The following MAGI2 variants were observed in gnomAD, a reference collection of about 807,000 sequenced individuals.
MAGI2 encodes membrane associated guanylate kinase, WW and PDZ domain containing 2.
A neutral mutation model predicts 133.3 loss-of-function variants in MAGI2; 35 were observed. The ratio of observed to expected loss-of-function variants is 0.26; its 90% CI spans 0.20 to 0.35. MAGI2 has a LOEUF of 0.35. MAGI2 is among the 10% of genes least tolerant of loss of function. MAGI2 has a pLI of 1.00. For synonymous variants in MAGI2, 729 were observed against 710.6 expected, an observed-to-expected ratio of 1.03 and a Z score of -0.41; for missense variants, 1,636 against 1,863.4, an observed-to-expected ratio of 0.88 and a Z score of 2.25.
At chr7:78,209,384 C>T (rs1246933105) in intron 10 of MAGI2, among the ~76,000 whole-genome samples, 1 of 149,778 alleles carries the variant, frequency 6.7e-6, no homozygotes, top group African/African-American at 2.4e-5. Flanking sequence ...GTCTCAGCCT[C>T]CCGAGTAGCT....
At chr7:79,418,775 T>C (rs4730816) in intron 1 of MAGI2, among the ~76,000 whole-genome samples, 37,407 of 150,206 alleles carry the variant, frequency 0.25, 6,694 homozygotes, top group African/African-American at 0.51. Context: ...ATTAGACACT[T>C]ACCTCTAGGT....
intron 2 of MAGI2, among the ~76,000 whole-genome samples, chr7:78,773,250 G>A (rs2151323981): frequency 6.6e-6 from 1 of 152,064 alleles, no homozygotes; most frequent in Admixed American, 6.5e-5. Context: ...AATATGGACT[G>A]CATGTATTTT....
intron 10 of MAGI2, among the ~76,000 whole-genome samples, chr7:78,239,249 A>T (rs1417108596): frequency 1.3e-5 from 2 of 152,220 alleles, no homozygotes; most frequent in Non-Finnish European, 2.9e-5. Context: ...CACCATATAC[A>T]AATATCAACT....
At chr7:78,861,302 G>A (rs1584191544) in intron 2 of MAGI2, among the ~76,000 whole-genome samples, 2 of 152,250 alleles carry the variant, frequency 1.3e-5, no homozygotes, top group Middle Eastern at 3.4e-3. Flanking sequence ...CCCGTCTTCT[G>A]CATCGCTCAT....
intron 12 of MAGI2, among the ~76,000 whole-genome samples, chr7:78,192,945 A>G (rs1440075296): frequency 6.6e-6 from 1 of 152,104 alleles, no homozygotes; most frequent in African/African-American, 2.4e-5. Flanking sequence ...TGTAGAGGGA[A>G]AGGGCGATGA....
chr7:78,501,526 T>A, intron 5 of MAGI2, 51 bp downstream of exon 5: 1 of 1,422,608 alleles, frequency 7.0e-7, no homozygotes, highest in Non-Finnish European at 9.9e-7. Context: ...ACATCATTTA[T>A]ATCCCGCTAT....
At chr7:78,761,510 G>A (rs1240732975) in intron 2 of MAGI2, among the ~76,000 whole-genome samples, 2 of 148,526 alleles carry the variant, frequency 1.3e-5, no homozygotes, top group African/African-American at 2.5e-5. Context: ...CTGTCCCCCA[G>A]GCTGGAGTGT....
At chr7:78,315,399 C>T (rs967639879) in intron 9 of MAGI2, among the ~76,000 whole-genome samples, 2 of 152,124 alleles carry the variant, frequency 1.3e-5, no homozygotes, top group African/African-American at 4.8e-5. Context: ...GTTCATACAT[C>T]CTGTAATTCC....
At chr7:78,329,408 G>GA (rs1227388302) in intron 9 of MAGI2, among the ~76,000 whole-genome samples, 1 of 152,118 alleles carries the variant, frequency 6.6e-6, no homozygotes, top group African/African-American at 2.4e-5. Flanking sequence ...CTTAGCTAAA[G>GA]AAAATGAAAG....
chr7:78,187,622 T>A (rs1827815756), intron 12 of MAGI2, among the ~76,000 whole-genome samples: 1 of 152,210 alleles, frequency 6.6e-6, no homozygotes, highest in African/African-American at 2.4e-5. Context: ...CAATCATTCC[T>A]GCCAGGTAAG....
chr7:79,295,319 A>G (rs1233317892), intron 1 of MAGI2, among the ~76,000 whole-genome samples: 1 of 152,176 alleles, frequency 6.6e-6, no homozygotes, highest in African/African-American at 2.4e-5. Flanking sequence ...AGGAATAGAC[A>G]AAGATTGCAG....
chr7:79,100,362 A>C (rs1370749182), intron 1 of MAGI2, among the ~76,000 whole-genome samples: 2 of 152,090 alleles, frequency 1.3e-5, no homozygotes. Context: ...TATCTGTGAT[A>C]GACAGACAAA....
At chr7:78,167,770 C>G in intron 15 of MAGI2, 146 bp downstream of exon 15, 1 of 736,648 alleles carries the variant, frequency 1.4e-6, no homozygotes, top group Non-Finnish European at 2.2e-6. Context: ...TCAAAATCAT[C>G]ATTACTTTTG....
At position 79,056,694 on chromosome 7, in the gene MAGI2, G is replaced by A. The variant is rs903878859; in HGVS notation, c.302-49488C>T. ...TAATTATATTGGCTATGGCAGCTAA[G>A]CTAATAACTAGATATTTCAAAGGAG... On this transcript the variant is annotated intron_variant, in intron 1 of 21. Coordinates refer to ENST00000354212, the MANE Select transcript of MAGI2 (RefSeq NM_012301.4). 1.1e-4 allele frequency among the ~76,000 whole-genome samples: 16 copies of A among 152,106 alleles called. No individual in the cohort carries two copies. The South Asian group carries it at 1.2e-3, about 12-fold the overall frequency.
intron 1 of MAGI2, among the ~76,000 whole-genome samples, chr7:79,284,115 C>A (rs968018628): frequency 2.6e-5 from 4 of 152,068 alleles, no homozygotes; most frequent in African/African-American, 9.7e-5. Flanking sequence ...ATAATGAAAT[C>A]ACCTAATGAT....
intron 2 of MAGI2, among the ~76,000 whole-genome samples, chr7:78,860,209 T>C (rs1794036753): frequency 6.6e-6 from 1 of 152,186 alleles, no homozygotes; most frequent in South Asian, 2.1e-4. Flanking sequence ...TTGGAGAAGT[T>C]TGTTATTACC....
intron 1 of MAGI2, among the ~76,000 whole-genome samples, chr7:79,271,219 A>G (rs1295041470): frequency 6.6e-6 from 1 of 152,178 alleles, no homozygotes; most frequent in Non-Finnish European, 1.5e-5. Flanking sequence ...TGACGATTCT[A>G]CATACTGAAA....
intron 4 of MAGI2, 40 bp downstream of exon 4, chr7:78,521,390 C>G: frequency 6.8e-7 from 1 of 1,470,820 alleles, no homozygotes; most frequent in Non-Finnish European, 9.5e-7. Flanking sequence ...AGATCTAAAA[C>G]AGTAAATTTA....
intron 9 of MAGI2, among the ~76,000 whole-genome samples, chr7:78,257,292 C>T (rs1793086677): frequency 6.6e-6 from 1 of 152,162 alleles, no homozygotes; most frequent in African/African-American, 2.4e-5. Context: ...AAGTACTTGG[C>T]ATAGTGTATG....
Sources: gnomAD v4.1 joint callset for allele counts (sites outside exome capture counted in the v4.1 genomes callset) on GRCh38, gnomAD v4.1.1 for gene constraint, MANE v1.5 for transcripts, NCBI Gene and HGNC (gene_info 2026-07-23, HGNC 2026-07-21) for gene names.